VDR: variants seen among roughly 807,000 people sequenced by gnomAD.
The protein encoded by VDR is vitamin D receptor.
A neutral mutation model predicts 39.7 loss-of-function variants in VDR; 19 were observed. That is an observed-to-expected ratio of 0.48 (90% confidence interval 0.33 to 0.70). VDR has a LOEUF of 0.70. VDR is among the 30% of genes least tolerant of loss of function. The pLI is 0.02. For synonymous variants in VDR, 242 were observed against 215.8 expected, an observed-to-expected ratio of 1.12 and a Z score of -1.07; for missense variants, 442 against 570.5, an observed-to-expected ratio of 0.77 and a Z score of 2.29.
chr12:47,900,706 C>T (rs1174797941), intron 1 of VDR, among the ~76,000 whole-genome samples: 1 of 152,192 alleles, frequency 6.6e-6, no homozygotes, highest in Non-Finnish European at 1.5e-5. Flanking sequence ...CCTCGGGCCT[C>T]ATGGGTATTC....
chr12:47,846,167 G>A (rs565406630), intron 9 of VDR, among the ~76,000 whole-genome samples, 168 bp downstream of exon 9: 13 of 152,318 alleles, frequency 8.5e-5, no homozygotes, highest in African/African-American at 2.6e-4. Flanking sequence ...GCACCTCAGC[G>A]TCCACACACC....
At chr12:47,863,587 C>T (rs1397094602) in intron 4 of VDR, among the ~76,000 whole-genome samples, 3 of 152,198 alleles carry the variant, frequency 2.0e-5, no homozygotes, top group Non-Finnish European at 4.4e-5. Context: ...TGTGAAGCCT[C>T]TTAAGGCACC....
chr12:47,887,722 C>T (rs1275910928), intron 1 of VDR, among the ~76,000 whole-genome samples: 1 of 152,232 alleles, frequency 6.6e-6, no homozygotes, highest in Non-Finnish European at 1.5e-5. Flanking sequence ...AGGGCTGCCA[C>T]CTCCTCTGTC....
At chr12:47,871,843 T>C (rs1945887887) in intron 3 of VDR, among the ~76,000 whole-genome samples, 1 of 152,150 alleles carries the variant, frequency 6.6e-6, no homozygotes, top group Non-Finnish European at 1.5e-5. Flanking sequence ...AATGCTGAAA[T>C]GGGAATGAGC....
intron 1 of VDR, among the ~76,000 whole-genome samples, chr12:47,904,084 AGAG>A (rs1946619148): frequency 7.0e-6 from 1 of 143,250 alleles, no homozygotes; most frequent in African/African-American, 2.7e-5. Context: ...CCGCACGCAT[AGAG>A]GAGGAGGAGG....
rs1220771411 is a variant in VDR at position 47,846,458 on chromosome 12, G to C, written c.908-7C>G. On this transcript the variant is annotated splice_region_variant and splice_polypyrimidine_tract_variant and intron_variant, in intron 8 of 9. Coordinates refer to ENST00000549336, the MANE Select transcript of VDR (RefSeq NM_000376.3). Reference sequence around the variant, plus strand: ...AGCTCCAGGCTGTGTCCGGCTGTGAGAGACAATGGCCAGGTACTGCGGGCA... The same window carrying C: ...AGCTCCAGGCTGTGTCCGGCTGTGACAGACAATGGCCAGGTACTGCGGGCA... The C allele has an allele frequency of 6.4e-7, 1 of 1,562,816 alleles. No individual in the cohort carries two copies. Among genetic ancestry groups the C allele is most frequent in the African/African-American group, 1.4e-5 (1 of 73,624 alleles).
chr12:47,886,020 C>T (rs923354097), intron 1 of VDR, among the ~76,000 whole-genome samples: 1 of 152,246 alleles, frequency 6.6e-6, no homozygotes, highest in African/African-American at 2.4e-5. Flanking sequence ...GAGGGGTCCT[C>T]TCTCTGCCAG....
At chr12:47,845,625 A>AGGTACCTAATAG (rs1303364832) in intron 9 of VDR, among the ~76,000 whole-genome samples, 1 of 152,172 alleles carries the variant, frequency 6.6e-6, no homozygotes, top group African/African-American at 2.4e-5. Context: ...TACCTAGCAT[A>AGGTACCTAATAG]GTGCCTGGTA....
intron 2 of VDR, among the ~76,000 whole-genome samples, chr12:47,879,391 G>A (rs1413936916): frequency 6.6e-6 from 1 of 152,238 alleles, no homozygotes; most frequent in Non-Finnish European, 1.5e-5. Context: ...TTTGGGTTTA[G>A]TGGTTCACCT....
At chr12:47,855,125 C>T (rs769772388) in intron 7 of VDR, among the ~76,000 whole-genome samples, 31 of 152,068 alleles carry the variant, frequency 2.0e-4, no homozygotes, top group Non-Finnish European at 3.7e-4. Context: ...GTCAGGTGAT[C>T]GAGAGCAGCC....
chr12:47,852,833 C>G (rs747934122), intron 7 of VDR, among the ~76,000 whole-genome samples: 4 of 152,146 alleles, frequency 2.6e-5, no homozygotes, highest in Non-Finnish European at 4.4e-5. Flanking sequence ...GGCCATACAC[C>G]AATATATGGC....
intron 3 of VDR, among the ~76,000 whole-genome samples, chr12:47,876,772 C>T (rs532716287): frequency 6.6e-6 from 1 of 152,360 alleles, no homozygotes; most frequent in African/African-American, 2.4e-5. Context: ...TGCTCCTGTC[C>T]TGAGGATTCC....
intron 4 of VDR, among the ~76,000 whole-genome samples, chr12:47,864,069 A>G (rs750080876): frequency 6.6e-6 from 1 of 152,088 alleles, no homozygotes; most frequent in Non-Finnish European, 1.5e-5. Flanking sequence ...GATTCCTCAG[A>G]CCCACAGCTA....
At chr12:47,859,923 T>TTTTCTTTCTTTC (rs778112133) in intron 4 of VDR, among the ~76,000 whole-genome samples, 863 of 50,888 alleles carry the variant, frequency 0.017, 8 homozygotes, top group Non-Finnish European at 0.02. Context: ...CCTTCTTTCT[T>TTTTCTTTCTTTC]TTTCTTTCTT....
chr12:47,846,956 G>C, intron 7 of VDR, 148 bp from the exon 8 acceptor site: 1 of 918,626 alleles, frequency 1.1e-6, no homozygotes, highest in Non-Finnish European at 1.7e-6. Context: ...CTGGCTGGAA[G>C]GGACAAGAGT....
intron 1 of VDR, chr12:47,882,990 G>A (rs960660336): frequency 1.2e-4 from 63 of 512,830 alleles, no homozygotes; most frequent in Non-Finnish European, 1.9e-4. Flanking sequence ...GCCCTCCCTC[G>A]AGGCAGGGAG....
chr12:47,857,097 C>T (rs1421194851), intron 6 of VDR, 32 bp downstream of exon 6: 2 of 1,613,488 alleles, frequency 1.2e-6, no homozygotes, highest in African/African-American at 1.3e-5. Context: ...CCCCCGCTCC[C>T]TTACTCTATG....
chr12:47,889,035 T>G (rs562176863), intron 1 of VDR, among the ~76,000 whole-genome samples: 27 of 152,278 alleles, frequency 1.8e-4, no homozygotes, highest in African/African-American at 5.8e-4. Context: ...TGTACAATTA[T>G]TATGTGTCAA....
At position 47,841,898 on chromosome 12, in the gene VDR, T is replaced by C. The variant is rs919326350; in HGVS notation, c.*2848A>G. 6.6e-6 allele frequency: 1 copy of C among 152,352 alleles called. No individual in the cohort carries two copies. The highest frequency in any genetic ancestry group is 1.5e-5 in the Non-Finnish European group (1 of 68,032). 9.4% of individuals were successfully genotyped at this position (152,352 alleles called of 1,614,324 possible). On this transcript the variant is annotated 3_prime_UTR_variant, in exon 10 of 10. Transcript: ENST00000549336. ...CAGTTATAATGATATACCTTAAAAG[T>C]TTTACATTTACAAATGTCTATTTCA...
Sources: allele counts gnomAD v4.1 joint callset (sites outside exome capture counted in the v4.1 genomes callset), GRCh38; gene constraint gnomAD v4.1.1; transcripts MANE v1.5; gene names NCBI Gene and HGNC (gene_info 2026-07-23, HGNC 2026-07-21).